RBMS3: variants seen among roughly 807,000 people sequenced by gnomAD.
RBMS3 encodes the protein RNA-binding motif, single-stranded-interacting protein 3.
Under a neutral mutation model 66.8 loss-of-function variants are expected in RBMS3, and 27 were observed. The observed-to-expected ratio is 0.40, with a 90% CI of 0.30 to 0.56. The LOEUF (loss-of-function observed/expected upper bound fraction) is 0.56, where lower values mean the gene tolerates loss of function less well. RBMS3 is among the 20% of genes least tolerant of loss of function. RBMS3 has a pLI of 0.40. For synonymous variants in RBMS3, 188 were observed against 183.0 expected (o/e 1.03, Z -0.22); for missense variants, 513 against 549.5 (o/e 0.93, Z 0.66).
intron 4 of RBMS3, among the ~76,000 whole-genome samples, chr3:29,646,696 G>A (rs1021639359): frequency 6.8e-6 from 1 of 146,140 alleles, no homozygotes; most frequent in Non-Finnish European, 1.5e-5. Context: ...CCTAACTACA[G>A]TTTTCCCTTC....
intron 4 of RBMS3, among the ~76,000 whole-genome samples, chr3:29,701,618 C>T (rs558530623): frequency 3.4e-5 from 5 of 148,486 alleles, no homozygotes; most frequent in East Asian, 2.1e-4. Flanking sequence ...GCGTCGTTCA[C>T]GGCCCTGTGT....
At chr3:29,905,911 A>G (rs1229096854) in intron 10 of RBMS3, among the ~76,000 whole-genome samples, 1 of 152,010 alleles carries the variant, frequency 6.6e-6, no homozygotes, top group Non-Finnish European at 1.5e-5. Context: ...TATTTTTTTC[A>G]TTGTTTCTCA....
chr3:29,988,244 T>A, intron 13 of RBMS3, 21 bp downstream of exon 13: 1 of 1,567,054 alleles, frequency 6.4e-7, no homozygotes, highest in Non-Finnish European at 8.8e-7. Flanking sequence ...CCCTGTCTAA[T>A]AAAGAGGTTA....
chr3:29,700,551 G>T (rs909221594), intron 4 of RBMS3, among the ~76,000 whole-genome samples: 3 of 152,092 alleles, frequency 2.0e-5, no homozygotes, highest in African/African-American at 7.2e-5. Context: ...GCTCTCAAGG[G>T]CCTTTGAGTT....
At chr3:29,473,543 C>T (rs11715908) in intron 2 of RBMS3, among the ~76,000 whole-genome samples, 35,947 of 152,164 alleles carry the variant, frequency 0.24, 4,389 homozygotes, top group Admixed American at 0.3. Context: ...GACTGGGCGC[C>T]GTGGAACCAG....
intron 10 of RBMS3, among the ~76,000 whole-genome samples, chr3:29,930,403 C>T (rs893939347): frequency 1.3e-5 from 2 of 151,802 alleles, no homozygotes; most frequent in African/African-American, 2.4e-5. Context: ...TGAGCCACTG[C>T]GCCCGGCCTA....
chr3:29,914,859 G>A (rs1052642372), intron 10 of RBMS3, among the ~76,000 whole-genome samples: 6 of 151,736 alleles, frequency 4.0e-5, no homozygotes, highest in Non-Finnish European at 7.4e-5. Flanking sequence ...TTTCCATTTT[G>A]CAAACATTTC....
chr3:29,331,762 T>C lies in RBMS3; in HGVS notation c.75+50006T>C, dbSNP rs901349767. On this transcript the variant is annotated intron_variant, in intron 1 of 14. Transcript: ENST00000383767. ...CAGATTCACAGGGGCTTGTCCATAA[T>C]GGTGATTTGAGTTTTCTGAAATAAC... Among the ~76,000 whole-genome samples, 4 of 150,964 alleles carry C rather than the reference T, an allele frequency of 2.6e-5. No individual in the cohort carries two copies. In the South Asian group the frequency reaches 6.3e-4, roughly 24 times the overall value.
chr3:29,293,420 C>T (rs749738206), intron 1 of RBMS3, among the ~76,000 whole-genome samples: 2 of 151,696 alleles, frequency 1.3e-5, no homozygotes, highest in African/African-American at 2.4e-5. Context: ...GCCTGAGGAC[C>T]CAAGGAGCAG....
At chr3:29,655,264 T>G (rs1426066068) in intron 4 of RBMS3, among the ~76,000 whole-genome samples, 2 of 152,152 alleles carry the variant, frequency 1.3e-5, no homozygotes, top group Non-Finnish European at 1.5e-5. Context: ...AGAGAGCTGG[T>G]CCATTTAGCT....
chr3:29,532,098 CTTAATA>C (rs1412414971), intron 3 of RBMS3, among the ~76,000 whole-genome samples: 1 of 151,564 alleles, frequency 6.6e-6, no homozygotes, highest in African/African-American at 2.4e-5. Context: ...CTCTTTTTTT[CTTAATA>C]TTAATAACTA....
Position 29,801,577 on chromosome 3 carries a change from A to C in RBMS3, c.637+38588A>C, listed in dbSNP as rs114383082. Among the ~76,000 whole-genome samples the C allele has an allele frequency of 7.2e-3, 1,090 of 152,092 alleles. 13 individuals carry two copies. Among genetic ancestry groups the C allele is most frequent in the African/African-American group, 0.025 (1,034 of 41,496 alleles). On this transcript the variant is annotated intron_variant, in intron 6 of 14. Coordinates refer to ENST00000383767, the MANE Select transcript of RBMS3 (RefSeq NM_001003793.3). ...GCACCTGACCAGAATCATTCCTCTTAATCTTAGCTTCCTGGCTTGAGAAGG... is the reference window on the plus strand; with the variant it reads ...GCACCTGACCAGAATCATTCCTCTTCATCTTAGCTTCCTGGCTTGAGAAGG...
intron 6 of RBMS3, among the ~76,000 whole-genome samples, chr3:29,828,721 A>G (rs978270207): frequency 2.0e-5 from 3 of 152,210 alleles, no homozygotes; most frequent in Non-Finnish European, 4.4e-5. Flanking sequence ...CAGATGTTGG[A>G]TTGGAAACTG....
At chr3:29,672,046 G>A (rs999322388) in intron 4 of RBMS3, among the ~76,000 whole-genome samples, 2 of 152,114 alleles carry the variant, frequency 1.3e-5, no homozygotes, top group African/African-American at 2.4e-5. Context: ...GAAAGGTCAG[G>A]TTACCCATAA....
At chr3:29,690,858 T>C (rs1559573431) in intron 4 of RBMS3, among the ~76,000 whole-genome samples, 1 of 152,236 alleles carries the variant, frequency 6.6e-6, no homozygotes, top group Non-Finnish European at 1.5e-5. Context: ...GAAAAGAATG[T>C]TATTTTAGGA....
chr3:29,400,347 C>T (rs1165917121), intron 1 of RBMS3, among the ~76,000 whole-genome samples: 1 of 151,968 alleles, frequency 6.6e-6, no homozygotes, highest in Non-Finnish European at 1.5e-5. Context: ...TACAATTCCA[C>T]TTACGTGAGA....
At chr3:29,990,990 A>T (rs1373403305) in intron 13 of RBMS3, 92 bp from the exon 14 acceptor site, 1 of 1,277,760 alleles carries the variant, frequency 7.8e-7, no homozygotes, top group African/African-American at 1.5e-5. Context: ...ATCTCTACTT[A>T]AGCCAAATAG....
Position 29,489,417 on chromosome 3 carries a change from A to G in RBMS3, c.307+918A>G, listed in dbSNP as rs138185081. Among the ~76,000 whole-genome samples the G allele has an allele frequency of 8.3e-3, 1,262 of 152,220 alleles. 13 individuals carry two copies. The highest frequency in any genetic ancestry group is 0.039 in the South Asian group (187 of 4,820). ...CACGTCTTCTATAAACTCAGAAATGAACTACATATTACAAGACAAAGAATA... is the reference window on the plus strand; with the variant it reads ...CACGTCTTCTATAAACTCAGAAATGGACTACATATTACAAGACAAAGAATA... On this transcript the variant is annotated intron_variant, in intron 3 of 14. Transcript: ENST00000383767.
At chr3:29,337,129 G>C (rs916777437) in intron 1 of RBMS3, among the ~76,000 whole-genome samples, 2 of 152,010 alleles carry the variant, frequency 1.3e-5, no homozygotes, top group East Asian at 3.9e-4. Flanking sequence ...TTTTAAAGAT[G>C]ATTTCACTTT....
Sources: gnomAD v4.1 joint callset for allele counts (sites outside exome capture counted in the v4.1 genomes callset) on GRCh38, gnomAD v4.1.1 for gene constraint, MANE v1.5 for transcripts, NCBI Gene and HGNC (gene_info 2026-07-23, HGNC 2026-07-21) for gene names.